The following NCOR1 variants were observed in gnomAD, a reference collection of about 807,000 sequenced individuals.
NCOR1 encodes protein phosphatase 1, regulatory subunit 109.
Under a neutral mutation model 288.1 loss-of-function variants are expected in NCOR1, and 63 were observed. That is an observed-to-expected ratio of 0.22 (90% CI 0.18 to 0.27). The LOEUF (loss-of-function observed/expected upper bound fraction) is 0.27, where lower values mean the gene tolerates loss of function less well. Ranked by LOEUF, NCOR1 falls within the 10% of genes least tolerant of loss-of-function variation. The pLI is 1.00. For missense variants in NCOR1, 2,397 were observed against 3,019.2 expected (o/e 0.79, Z 4.83); for synonymous variants, 1,007 against 1,065.9 (o/e 0.94, Z 1.08).
At position 16,033,582 on chromosome 17, in the gene NCOR1, A is replaced by G. The variant is rs377499796; in HGVS notation, c.7136-1099T>C. 4.6e-5 allele frequency among the ~76,000 whole-genome samples: 7 copies of G among 152,270 alleles called. No individual in the cohort carries two copies. The East Asian group carries it at 5.8e-4, about 13-fold the overall frequency. ...CACATTTCAGATTTTTTTCAGTGAC[A>G]TATTTGTATTTAATCCTAAGGAAAA... On this transcript the variant is annotated intron_variant, in intron 45 of 45. Coordinates refer to ENST00000268712, the MANE Select transcript of NCOR1 (RefSeq NM_006311.4).
intron 5 of NCOR1, among the ~76,000 whole-genome samples, chr17:16,161,095 C>T (rs2080752836): frequency 6.6e-6 from 1 of 151,950 alleles, no homozygotes; most frequent in Non-Finnish European, 1.5e-5. Context: ...TTCAATGATT[C>T]CCTTTCTTTC....
intron 6 of NCOR1, among the ~76,000 whole-genome samples, chr17:16,157,373 C>T (rs557882802): frequency 6.6e-6 from 1 of 152,100 alleles, no homozygotes; most frequent in African/African-American, 2.4e-5. Context: ...ATAACACTTA[C>T]CATTACCGTA....
rs2078010778 is a variant in NCOR1, at chr17:16,146,410, G to A, written c.1048C>T (p.Arg350Ter). The change falls in exon 10 of 46, where the codon CGA becomes TGA. Residue 350 changes from arginine (R) to a stop codon, truncating the protein, a stop_gained. Coordinates refer to ENST00000268712, the MANE Select transcript of NCOR1 (RefSeq NM_006311.4). LOFTEE classifies it high-confidence loss of function. ...CTTTCTTGCTGTTCTCTTTGTTTTC[G>A]AATTTCTGGAAACTGCTTTTCATAG... ...EYYEKQFPEIRKQREQQERFQ... is the reference protein window; with the variant it reads ...EYYEKQFPEI 1.2e-6 allele frequency: 2 copies of A among 1,609,300 alleles called. No individual in the cohort carries two copies. The highest frequency in any genetic ancestry group is 1.7e-6 in the Non-Finnish European group (2 of 1,178,594).
chr17:16,044,951 G>T, intron 42 of NCOR1: 12 of 518,820 alleles, frequency 2.3e-5, no homozygotes, highest in East Asian at 1.2e-4. Flanking sequence ...GCTTTTGGTT[G>T]TTTTGACTAA....
At chr17:16,037,067 T>C (rs1036353186) in intron 44 of NCOR1, among the ~76,000 whole-genome samples, 3 of 152,152 alleles carry the variant, frequency 2.0e-5, no homozygotes, top group East Asian at 3.8e-4. Context: ...TTAGAAGCCA[T>C]TGCAGGGTTA....
In NCOR1 at chr17:16,192,142, C is replaced by G. The variant is rs1277937695; in HGVS notation, c.108+2320G>C. On this transcript the variant is annotated intron_variant, in intron 2 of 45. Coordinates refer to ENST00000268712, the MANE Select transcript of NCOR1 (RefSeq NM_006311.4). ...CCAGCCTAGGCAACATAGCAAGGCA[C>G]CATCTTCGTTTAAAAAAAAAAAAAA... is the stretch of plus-strand genomic sequence containing the variant. The G allele has an allele frequency of 2.7e-5, 4 of 149,860 alleles. No homozygotes were observed. The East Asian group carries it at 7.8e-4, about 29-fold the overall frequency. 9.3% of individuals were successfully genotyped at this position (149,860 alleles called of 1,614,324 possible).
rs773216154 is a variant in NCOR1 at position 16,123,085 on chromosome 17, C to T, written c.1635-1816G>A. On this transcript the variant is annotated intron_variant, in intron 15 of 45. Transcript: ENST00000268712. ...GACTCAGGCTTATCTTCCCAACTAC[C>T]TGCTGGAACGGCCACCTGGATTTTC... 6.7e-4 allele frequency among the ~76,000 whole-genome samples: 102 copies of T among 152,194 alleles called. 1 individual carries two copies. The highest frequency in any genetic ancestry group is 3.1e-4 in the Non-Finnish European group (21 of 68,028).
In NCOR1 at chr17:16,158,880, G is replaced by A. The variant is rs774824247; in HGVS notation, c.619-7C>T. 2 of 1,604,212 alleles carry A rather than the reference G, an allele frequency of 1.2e-6. No individual in the cohort carries two copies. Among genetic ancestry groups the A allele is most frequent in the East Asian group, 2.2e-5 (1 of 44,820 alleles). On this transcript the variant is annotated splice_polypyrimidine_tract_variant and splice_region_variant and intron_variant, in intron 5 of 45. Coordinates refer to ENST00000268712, the MANE Select transcript of NCOR1 (RefSeq NM_006311.4). The stretch of plus-strand genomic sequence containing the variant: ...CCTCTTCTTCAAGCTGTTGCTAAGA[G>A]ATCCAGAAAGAAAGAGTCAAGCATG...
chr17:16,076,610 A>C (rs911988134), intron 26 of NCOR1, among the ~76,000 whole-genome samples: 8 of 152,216 alleles, frequency 5.3e-5, no homozygotes, highest in African/African-American at 1.9e-4. Context: ...GCTGAGCGAA[A>C]ATTTTAAAAA....
chr17:16,123,803 T>C (rs1486756100), intron 15 of NCOR1, among the ~76,000 whole-genome samples: 2 of 152,226 alleles, frequency 1.3e-5, no homozygotes, highest in Non-Finnish European at 2.9e-5. Flanking sequence ...TGGTCGTCTG[T>C]TGACTTCTTA....
At chr17:16,041,424 C>CT (rs2057575771) in intron 42 of NCOR1, among the ~76,000 whole-genome samples, 1 of 46,244 alleles carries the variant, frequency 2.2e-5, no homozygotes, top group South Asian at 4.7e-4. Context: ...TTTTTTTTTC[C>CT]TTTGAGATGG....
At chr17:16,064,433 C>T (rs1224174678) in intron 34 of NCOR1, among the ~76,000 whole-genome samples, 1 of 151,998 alleles carries the variant, frequency 6.6e-6, no homozygotes, top group Non-Finnish European at 1.5e-5. Context: ...GACCCTGTCT[C>T]TACTAAAAAC....
In NCOR1 at chr17:16,171,862, C is replaced by T; in HGVS notation, c.376G>A (p.Val126Ile). Residue 126 changes from valine to isoleucine, a missense_variant, in exon 4 of 46, where the codon GTT becomes ATT. Physicochemically the swap from Val to Ile is conservative, Grantham distance 29 (BLOSUM62 3). Coordinates refer to ENST00000268712, the MANE Select transcript of NCOR1 (RefSeq NM_006311.4). ...GGCAGCGGGTGCACTAAAGGCAAAA[C>T]CGCAGCACTGACACGCTGAAAATGA... is the stretch of plus-strand genomic sequence containing the variant. The part of the protein sequence containing the change: ...DSHFQRVSAA[V>I]LPLVHPLPEG... 1 of 1,612,990 alleles carries T rather than the reference C, an allele frequency of 6.2e-7. No individual in the cohort carries two copies. Among genetic ancestry groups the T allele is most frequent in the Non-Finnish European group, 8.5e-7 (1 of 1,179,552 alleles).
intron 6 of NCOR1, among the ~76,000 whole-genome samples, chr17:16,156,144 A>G (rs1046081940): frequency 1.3e-5 from 2 of 152,208 alleles, no homozygotes; most frequent in Admixed American, 1.3e-4. Flanking sequence ...AGAAGGAATA[A>G]AAGAAAAGAG....
intron 32 of NCOR1, 32 bp downstream of exon 32, chr17:16,067,862 T>G: frequency 6.4e-7 from 1 of 1,564,666 alleles, no homozygotes; most frequent in East Asian, 2.3e-5. Flanking sequence ...CATATTTATT[T>G]GCCATAAATT....
At chr17:16,204,836 G>C (rs1600537977) in intron 1 of NCOR1, among the ~76,000 whole-genome samples, 1 of 152,202 alleles carries the variant, frequency 6.6e-6, no homozygotes, top group African/African-American at 2.4e-5. Context: ...ATGTGCCCAA[G>C]GTCCCACAGC....
At chr17:16,113,703 A>C (rs1381807923) in intron 18 of NCOR1, among the ~76,000 whole-genome samples, 1 of 151,966 alleles carries the variant, frequency 6.6e-6, no homozygotes, top group Non-Finnish European at 1.5e-5. Flanking sequence ...GACCAGCCTG[A>C]CCAACATGGT....
intron 1 of NCOR1, among the ~76,000 whole-genome samples, chr17:16,208,951 A>T (rs2091855707): frequency 6.6e-6 from 1 of 152,172 alleles, no homozygotes; most frequent in Non-Finnish European, 1.5e-5. Flanking sequence ...TTCAGCATCA[A>T]ACTGCCATAT....
intron 18 of NCOR1, among the ~76,000 whole-genome samples, chr17:16,115,448 T>C (rs1225149014): frequency 6.6e-6 from 1 of 152,220 alleles, no homozygotes; most frequent in African/African-American, 2.4e-5. Flanking sequence ...TATCACGTTG[T>C]TAGGCTGCAA....
Sources: allele counts gnomAD v4.1 joint callset (sites outside exome capture counted in the v4.1 genomes callset), GRCh38; gene constraint gnomAD v4.1.1; transcripts MANE v1.5; gene names NCBI Gene and HGNC (gene_info 2026-07-23, HGNC 2026-07-21).